The following GMDS variants were observed in gnomAD, a reference collection of about 807,000 sequenced individuals.
GMDS encodes the protein GDP-mannose 4,6 dehydratase.
GMDS carries 20 observed loss-of-function variants against 49.9 expected under a neutral mutation model. The ratio of observed to expected loss-of-function variants is 0.40; its 90% CI spans 0.28 to 0.58. The LOEUF is 0.58. Among genes scored for constraint, GMDS ranks in the 20% least tolerant of loss-of-function variants. GMDS has a pLI of 0.42. For missense variants in GMDS, 362 were observed against 481.4 expected, an observed-to-expected ratio of 0.75 and a Z score of 2.32; for synonymous variants, 177 against 178.6, an observed-to-expected ratio of 0.99 and a Z score of 0.07.
chr6:1,945,572 C>T (rs964385148), intron 6 of GMDS, among the ~76,000 whole-genome samples: 2 of 152,066 alleles, frequency 1.3e-5, no homozygotes, highest in Admixed American at 6.5e-5. Flanking sequence ...CATACGGTTA[C>T]AGAGGCCCTT....
intron 1 of GMDS, among the ~76,000 whole-genome samples, chr6:2,185,318 A>C (rs1316802687): frequency 6.6e-6 from 1 of 152,222 alleles, no homozygotes; most frequent in Non-Finnish European, 1.5e-5. Flanking sequence ...GCATATTGGC[A>C]TGCATCTGAT....
At chr6:2,138,015 G>T (rs1199503937) in intron 1 of GMDS, among the ~76,000 whole-genome samples, 1 of 152,190 alleles carries the variant, frequency 6.6e-6, no homozygotes, top group Non-Finnish European at 1.5e-5. Context: ...CGGTCTAAGA[G>T]AGCTGGGTCA....
At chr6:1,658,717 G>C (rs896718622) in intron 9 of GMDS, among the ~76,000 whole-genome samples, 1 of 152,264 alleles carries the variant, frequency 6.6e-6, no homozygotes, top group Non-Finnish European at 1.5e-5. Context: ...TAAGTTGCTT[G>C]AGACTATTTA....
At chr6:2,046,887 A>G (rs1282658744) in intron 4 of GMDS, among the ~76,000 whole-genome samples, 3 of 152,192 alleles carry the variant, frequency 2.0e-5, no homozygotes, top group African/African-American at 7.2e-5. Context: ...GCAGCGATAA[A>G]GAAATATGGG....
chr6:1,700,311 G>C (rs904719569), intron 9 of GMDS, among the ~76,000 whole-genome samples: 2 of 152,158 alleles, frequency 1.3e-5, no homozygotes, highest in Admixed American at 6.5e-5. Context: ...AAATATGCTT[G>C]TGGGGAAGAA....
chr6:1,817,324 T>C (rs944794725), intron 7 of GMDS, among the ~76,000 whole-genome samples: 2 of 152,164 alleles, frequency 1.3e-5, no homozygotes, highest in African/African-American at 4.8e-5. Flanking sequence ...CAAAATGTAA[T>C]GCAGCCAACA....
chr6:1,884,711 T>G (rs1271651303), intron 7 of GMDS, among the ~76,000 whole-genome samples: 3 of 152,208 alleles, frequency 2.0e-5, no homozygotes, highest in Admixed American at 2.0e-4. Flanking sequence ...ACTTGCATTT[T>G]AGGGGCAAAA....
At chr6:1,869,514 G>GA in intron 7 of GMDS, among the ~76,000 whole-genome samples, 1 of 152,170 alleles carries the variant, frequency 6.6e-6, no homozygotes, top group Admixed American at 6.5e-5. Context: ...GGCTGTCAAG[G>GA]TCTAGCTCCT....
At chr6:2,193,124 T>TA (rs1779121632) in intron 1 of GMDS, among the ~76,000 whole-genome samples, 1 of 152,148 alleles carries the variant, frequency 6.6e-6, no homozygotes, top group African/African-American at 2.4e-5. Context: ...CCAGGAACAC[T>TA]AGAGGTCCTA....
chr6:2,152,982 A>G (rs2127539102), intron 1 of GMDS, among the ~76,000 whole-genome samples: 1 of 152,272 alleles, frequency 6.6e-6, no homozygotes, highest in East Asian at 1.9e-4. Context: ...TGGGAAGCTG[A>G]GGCAGGGGCA....
At chr6:1,937,624 T>G (rs940677970) in intron 6 of GMDS, among the ~76,000 whole-genome samples, 8 of 152,202 alleles carry the variant, frequency 5.3e-5, no homozygotes, top group Non-Finnish European at 1.2e-4. Flanking sequence ...TGCCCCCATA[T>G]TCACACCATA....
In GMDS at chr6:1,962,383, C is replaced by T. The variant is rs550765030; in HGVS notation, c.346-1417G>A. The stretch of plus-strand genomic sequence containing the variant: ...TTAGTGACTGGCTTCCTTCGCTTAC[C>T]ATGTTTTCACTTTGGTTGAGTATAT... On this transcript the variant is annotated intron_variant, in intron 4 of 10. Coordinates refer to ENST00000380815, the MANE Select transcript of GMDS (RefSeq NM_001500.4). Among the ~76,000 whole-genome samples, 30 of 152,288 alleles carry T rather than the reference C, an allele frequency of 2.0e-4. No homozygotes were observed. In the East Asian group the frequency reaches 5.8e-3, roughly 29 times the overall value.
At chr6:1,985,510 A>C (rs527477699) in intron 4 of GMDS, among the ~76,000 whole-genome samples, 1 of 152,218 alleles carries the variant, frequency 6.6e-6, no homozygotes, top group South Asian at 2.1e-4. Context: ...ACTTTGAAAC[A>C]TCTCTCTTTA....
At chr6:1,943,090 C>G (rs375669739) in intron 6 of GMDS, among the ~76,000 whole-genome samples, 15 of 152,212 alleles carry the variant, frequency 9.9e-5, no homozygotes, top group African/African-American at 3.6e-4. Context: ...GCCCTGTCAC[C>G]GGCCCCGTCC....
chr6:2,113,120 T>C (rs1318856572), intron 4 of GMDS, among the ~76,000 whole-genome samples: 5 of 152,180 alleles, frequency 3.3e-5, no homozygotes, highest in Non-Finnish European at 5.9e-5. Flanking sequence ...AGGGAACTTA[T>C]TTCTCCAACC....
At chr6:1,892,228 C>A (rs1010843964) in intron 7 of GMDS, among the ~76,000 whole-genome samples, 4 of 152,038 alleles carry the variant, frequency 2.6e-5, no homozygotes, top group African/African-American at 9.7e-5. Context: ...AATACACATA[C>A]AGCTTTTACC....
At chr6:1,643,480 G>A (rs1157288258) in intron 9 of GMDS, among the ~76,000 whole-genome samples, 2 of 152,182 alleles carry the variant, frequency 1.3e-5, no homozygotes, top group Non-Finnish European at 2.9e-5. Context: ...ATGAGGCAAG[G>A]AGAGCCTTCG....
intron 7 of GMDS, among the ~76,000 whole-genome samples, chr6:1,849,899 A>T (rs1757580876): frequency 6.6e-6 from 1 of 152,210 alleles, no homozygotes; most frequent in South Asian, 2.1e-4. Flanking sequence ...AGAATTGCTC[A>T]GAAAAAAAGT....
chr6:2,147,073 T>C (rs1379637897), intron 1 of GMDS, among the ~76,000 whole-genome samples: 1 of 152,112 alleles, frequency 6.6e-6, no homozygotes, highest in African/African-American at 2.4e-5. Context: ...TGAAGGAAAA[T>C]AGGAGTCCTA....
Sources: allele counts gnomAD v4.1 joint callset (sites outside exome capture counted in the v4.1 genomes callset), GRCh38; gene constraint gnomAD v4.1.1; transcripts MANE v1.5; gene names NCBI Gene and HGNC (gene_info 2026-07-23, HGNC 2026-07-21).